Variants in FOXN3 observed in about 807,000 individuals in gnomAD.
FOXN3 encodes the protein forkhead box protein N3.
In FOXN3, 7 loss-of-function variants were observed where a neutral mutation model predicts 38.4. The ratio of observed to expected loss-of-function variants is 0.18; its 90% CI spans 0.10 to 0.34. The LOEUF (loss-of-function observed/expected upper bound fraction) is 0.34, where lower values mean the gene tolerates loss of function less well. FOXN3 is among the 10% of genes least tolerant of loss of function. FOXN3 has a pLI of 1.00. For synonymous variants in FOXN3, 230 were observed against 242.2 expected, an observed-to-expected ratio of 0.95 and a Z score of 0.47; for missense variants, 456 against 613.4, an observed-to-expected ratio of 0.74 and a Z score of 2.71.
chr14:89,262,052 C>T (rs1048852000), intron 4 of FOXN3, among the ~76,000 whole-genome samples: 14 of 151,830 alleles, frequency 9.2e-5, no homozygotes, highest in Non-Finnish European at 1.3e-4. Flanking sequence ...TGCAGTGAGC[C>T]GAGATCGCGC....
At chr14:89,578,539 G>A (rs978476407) in intron 1 of FOXN3, among the ~76,000 whole-genome samples, 15 of 152,118 alleles carry the variant, frequency 9.9e-5, no homozygotes, top group Admixed American at 3.3e-4. Flanking sequence ...TAGGCTGACC[G>A]ACACAGAACT....
At chr14:89,315,369 A>C (rs1739853087) in intron 3 of FOXN3, among the ~76,000 whole-genome samples, 2 of 152,180 alleles carry the variant, frequency 1.3e-5, no homozygotes, top group South Asian at 4.1e-4. Flanking sequence ...TATACAGTGA[A>C]AATAAGATCG....
At chr14:89,471,207 G>C (rs950020076) in intron 1 of FOXN3, among the ~76,000 whole-genome samples, 1 of 152,178 alleles carries the variant, frequency 6.6e-6, no homozygotes, top group African/African-American at 2.4e-5. Flanking sequence ...CACCTACCTA[G>C]ACCCTTGAGC....
chr14:89,586,602 G>A (rs1031809795), intron 1 of FOXN3, among the ~76,000 whole-genome samples: 1 of 152,172 alleles, frequency 6.6e-6, no homozygotes, highest in Admixed American at 6.5e-5. Context: ...GAAAAGGTAT[G>A]CTGTTTTTTT....
intron 4 of FOXN3, among the ~76,000 whole-genome samples, chr14:89,278,016 C>T (rs1296012651): frequency 6.6e-6 from 1 of 152,058 alleles, no homozygotes; most frequent in East Asian, 1.9e-4. Flanking sequence ...CCCCTCTGCT[C>T]CCACCCTTCT....
At chr14:89,464,633 G>A (rs1430891963) in intron 1 of FOXN3, among the ~76,000 whole-genome samples, 1 of 152,144 alleles carries the variant, frequency 6.6e-6, no homozygotes, top group Non-Finnish European at 1.5e-5. Flanking sequence ...TGTCACGGGA[G>A]GGACCAAGTT....
intron 3 of FOXN3, among the ~76,000 whole-genome samples, chr14:89,301,014 G>A (rs1271819635): frequency 2.0e-5 from 3 of 151,902 alleles, no homozygotes; most frequent in Non-Finnish European, 2.9e-5. Flanking sequence ...TGTTGGCCAG[G>A]CTGGTTTCAA....
rs73321217 is a variant in FOXN3, at chr14:89,180,652, G to A, written c.851+49C>T. 3.3e-3 allele frequency: 4,561 copies of A among 1,372,934 alleles called. 141 individuals carry two copies. The African/African-American group carries it at 0.06, about 18-fold the overall frequency. 85.0% of individuals were successfully genotyped at this position (1,372,934 alleles called of 1,614,324 possible). A position where few individuals can be genotyped will look rare whatever the true frequency, so the allele number is the denominator to read the frequency against. On this transcript the variant is annotated intron_variant, in intron 5 of 5. Transcript: ENST00000557258. ...GAAGGGACCCCGTGGACAGAAAGCT[G>A]CCCTTCCCACTCCCCAGGCTGGCTC...
chr14:89,420,016 G>A (rs1043244415), upstream of FOXN3, among the ~76,000 whole-genome samples: 1 of 152,150 alleles, frequency 6.6e-6, no homozygotes, highest in African/African-American at 2.4e-5. Flanking sequence ...AAGGATATAT[G>A]AGAGGAAATA....
chr14:89,464,934 G>A (rs1460622848), intron 1 of FOXN3, among the ~76,000 whole-genome samples: 1 of 152,172 alleles, frequency 6.6e-6, no homozygotes. Flanking sequence ...CTGACCTCGT[G>A]ATACGCCCAC....
At chr14:89,402,296 CAATGT>C (rs1403728317) in intron 2 of FOXN3, among the ~76,000 whole-genome samples, 1 of 152,226 alleles carries the variant, frequency 6.6e-6, no homozygotes, top group African/African-American at 2.4e-5. Context: ...GTTACCAATG[CAATGT>C]AAAGTTTTCC....
intron 4 of FOXN3, among the ~76,000 whole-genome samples, chr14:89,262,422 T>A (rs1027434485): frequency 6.6e-6 from 1 of 152,186 alleles, no homozygotes; most frequent in Non-Finnish European, 1.5e-5. Context: ...CCCAGACACA[T>A]AGGAAATACT....
intron 3 of FOXN3, among the ~76,000 whole-genome samples, chr14:89,317,027 A>G (rs187674907): frequency 1.3e-5 from 2 of 152,332 alleles, no homozygotes; most frequent in Admixed American, 1.3e-4. Flanking sequence ...GAGCTAACTC[A>G]TATAACATTC....
intron 3 of FOXN3, among the ~76,000 whole-genome samples, chr14:89,299,271 T>G (rs944239334): frequency 6.6e-6 from 1 of 152,172 alleles, no homozygotes; most frequent in African/African-American, 2.4e-5. Flanking sequence ...CTCAAGGTAG[T>G]GAATAAGTCT....
chr14:89,330,697 A>G (rs1310029996), intron 3 of FOXN3, among the ~76,000 whole-genome samples: 3 of 152,396 alleles, frequency 2.0e-5, no homozygotes, highest in East Asian at 3.9e-4. Flanking sequence ...GGGTTTATCC[A>G]AATGCTGCAA....
chr14:89,333,749 TA>T (rs57491119), intron 3 of FOXN3, among the ~76,000 whole-genome samples: 5,544 of 55,902 alleles, frequency 0.099, 258 homozygotes, highest in Middle Eastern at 0.12. Flanking sequence ...GAGAGACTAT[TA>T]AAAAAAAAAA....
chr14:89,356,845 T>C (rs1889249939), intron 2 of FOXN3, among the ~76,000 whole-genome samples: 2 of 152,068 alleles, frequency 1.3e-5, no homozygotes, highest in Non-Finnish European at 2.9e-5. Context: ...AAGAAATAAA[T>C]AAGCAAGATT....
At chr14:89,461,848 A>C (rs1377851882) in intron 1 of FOXN3, among the ~76,000 whole-genome samples, 1 of 152,140 alleles carries the variant, frequency 6.6e-6, no homozygotes, top group Non-Finnish European at 1.5e-5. Flanking sequence ...TTGAGGGCCA[A>C]AATGAAAGAA....
chr14:89,327,550 G>T (rs1045004622), intron 3 of FOXN3, among the ~76,000 whole-genome samples: 3 of 152,132 alleles, frequency 2.0e-5, no homozygotes, highest in Non-Finnish European at 4.4e-5. Flanking sequence ...ACCTCTACCC[G>T]CCAAAAGCCC....
Sources: allele counts gnomAD v4.1 joint callset (sites outside exome capture counted in the v4.1 genomes callset), GRCh38; gene constraint gnomAD v4.1.1; transcripts MANE v1.5; gene names NCBI Gene and HGNC (gene_info 2026-07-23, HGNC 2026-07-21).